The following ZCWPW2 variants were observed in gnomAD, a reference collection of about 807,000 sequenced individuals.
ZCWPW2 encodes the protein zinc finger CW-type PWWP domain protein 2.
A neutral mutation model predicts 46.6 loss-of-function variants in ZCWPW2; 45 were observed. The observed-to-expected ratio is 0.96, with a 90% CI of 0.76 to 1.24. The LOEUF is 1.24. ZCWPW2 is among the 50% of genes most tolerant of loss of function. The probability of loss-of-function intolerance (pLI) is 0.00; values close to 1 mark genes in which losing one functional copy is unlikely to be tolerated. For synonymous variants in ZCWPW2, 152 were observed against 137.1 expected (o/e 1.11, Z -0.76); for missense variants, 429 against 403.9 (o/e 1.06, Z -0.53).
At chr3:28,510,636 C>T (rs532829463) in intron 6 of ZCWPW2, among the ~76,000 whole-genome samples, 10 of 152,240 alleles carry the variant, frequency 6.6e-5, no homozygotes, top group African/African-American at 1.7e-4. Context: ...CAAGTTTACC[C>T]AGTGGTCTTA....
At chr3:28,374,356 A>AT (rs1705434598) in intron 1 of ZCWPW2, among the ~76,000 whole-genome samples, 1 of 152,026 alleles carries the variant, frequency 6.6e-6, no homozygotes, top group African/African-American at 2.4e-5. Context: ...CTATGGGTCT[A>AT]GTTTTATGTG....
At position 28,382,768 on chromosome 3, in the gene ZCWPW2, T is replaced by C. The variant is rs553655822; in HGVS notation, c.-133-7730T>C. On this transcript the variant is annotated intron_variant, in intron 1 of 9. Transcript: ENST00000383768. ...TAAAGTGCCCTTAAGTCTTTCAAAA[T>C]CCTGTCCTAATGAGTAAAATTAAGG... is the stretch of plus-strand genomic sequence containing the variant. Among the ~76,000 whole-genome samples the C allele has an allele frequency of 1.5e-4, 23 of 152,230 alleles. No individual in the cohort carries two copies. In the South Asian group the frequency reaches 4.6e-3, roughly 30 times the overall value.
chr3:28,369,111 C>T (rs568151525), intron 1 of ZCWPW2, among the ~76,000 whole-genome samples: 1 of 152,076 alleles, frequency 6.6e-6, no homozygotes, highest in South Asian at 2.1e-4. Flanking sequence ...CGAACTTCCT[C>T]CTTTAGCTCG....
intron 4 of ZCWPW2, among the ~76,000 whole-genome samples, chr3:28,443,857 C>A (rs548447421): frequency 6.6e-5 from 10 of 152,156 alleles, no homozygotes; most frequent in African/African-American, 1.7e-4. Flanking sequence ...TCTTCTGGAC[C>A]CTTCCAGCTA....
At chr3:28,425,193 A>T (rs1040561784) in intron 3 of ZCWPW2, among the ~76,000 whole-genome samples, 1 of 152,156 alleles carries the variant, frequency 6.6e-6, no homozygotes, top group African/African-American at 2.4e-5. Context: ...GGACATCAAA[A>T]TGCCCAAAAA....
At position 28,483,498 on chromosome 3, in the gene ZCWPW2, A is replaced by G. The variant is rs369693482; in HGVS notation, c.610+4567A>G. ...TTTGCCTTTCCATAAAAATTTTAGA[A>G]TCAGTTTGTTGATTTCACAAAATAA... On this transcript the variant is annotated intron_variant, in intron 5 of 9. Transcript: ENST00000383768. 7.0e-4 allele frequency among the ~76,000 whole-genome samples: 106 copies of G among 152,190 alleles called. 2 individuals are homozygous for G. Among genetic ancestry groups the G allele is most frequent in the African/African-American group, 2.3e-3 (95 of 41,532 alleles).
chr3:28,370,840 C>T (rs911050405), intron 1 of ZCWPW2, among the ~76,000 whole-genome samples: 1 of 152,174 alleles, frequency 6.6e-6, no homozygotes, highest in Non-Finnish European at 1.5e-5. Flanking sequence ...TCAAGAAATT[C>T]TCCTGCCTCA....
chr3:28,402,089 A>G (rs2125729220), intron 2 of ZCWPW2, among the ~76,000 whole-genome samples: 1 of 152,046 alleles, frequency 6.6e-6, no homozygotes, highest in South Asian at 2.1e-4. Flanking sequence ...ACTAAATGAA[A>G]TTGAAACAAA....
chr3:28,486,596 C>T (rs1699607764), intron 5 of ZCWPW2, among the ~76,000 whole-genome samples: 1 of 152,108 alleles, frequency 6.6e-6, no homozygotes, highest in African/African-American at 2.4e-5. Flanking sequence ...GTTTCACAGG[C>T]CATGCACTGT....
chr3:28,349,171 G>A lies in ZCWPW2; in HGVS notation c.-166G>A. 2.0e-6 allele frequency: 2 copies of A among 985,718 alleles called. No homozygotes were observed. Among genetic ancestry groups the A allele is most frequent in the Non-Finnish European group, 2.4e-6 (2 of 830,184 alleles). The allele number at this position is 985,718 out of a possible 1,614,324, so 61.1% of individuals were successfully genotyped here. A position where few individuals can be genotyped will look rare whatever the true frequency, so the allele number is the denominator to read the frequency against. ...CGCGGCGGGACGGGGCGGGGCCGCG[G>A]GACGCCAGGAGGCGGAGGCGGAGTG... On this transcript the variant is annotated 5_prime_UTR_variant, in exon 1 of 10. Coordinates refer to ENST00000383768, the MANE Select transcript of ZCWPW2 (RefSeq NM_001040432.4).
chr3:28,376,507 T>C (rs531224535), intron 1 of ZCWPW2, among the ~76,000 whole-genome samples: 1 of 152,122 alleles, frequency 6.6e-6, no homozygotes, highest in Non-Finnish European at 1.5e-5. Context: ...GCGGTTTGTC[T>C]CTGTACTCAA....
At chr3:28,354,114 A>AT (rs898290064) in intron 1 of ZCWPW2, among the ~76,000 whole-genome samples, 1 of 152,182 alleles carries the variant, frequency 6.6e-6, no homozygotes, top group Non-Finnish European at 1.5e-5. Flanking sequence ...AGCCAGTCAC[A>AT]TTGACAAAGA....
chr3:28,411,440 A>G lies in ZCWPW2; in HGVS notation c.-13-1616A>G, dbSNP rs1696394719. Among the ~76,000 whole-genome samples the G allele has an allele frequency of 6.6e-5, 10 of 152,032 alleles. No individual in the cohort carries two copies. The South Asian group carries it at 2.1e-3, about 32-fold the overall frequency. Reference sequence around the variant, plus strand: ...AAAAACCGTACTCCCAACATAACAAACATTCGAAGCATTCTCTTTAAAATT... The same window carrying G: ...AAAAACCGTACTCCCAACATAACAAGCATTCGAAGCATTCTCTTTAAAATT... On this transcript the variant is annotated intron_variant, in intron 2 of 9. Coordinates refer to ENST00000383768, the MANE Select transcript of ZCWPW2 (RefSeq NM_001040432.4).
chr3:28,473,927 T>C (rs992906553), intron 4 of ZCWPW2, among the ~76,000 whole-genome samples: 2 of 152,024 alleles, frequency 1.3e-5, no homozygotes, highest in Non-Finnish European at 2.9e-5. Context: ...GTACAAAAAA[T>C]AGAAAGAATG....
chr3:28,400,542 A>G (rs1695878951), intron 2 of ZCWPW2, among the ~76,000 whole-genome samples: 1 of 152,196 alleles, frequency 6.6e-6, no homozygotes, highest in African/African-American at 2.4e-5. Flanking sequence ...GTGAGACAAA[A>G]TCACCAGGTA....
rs1274572137 is a variant in ZCWPW2 at position 28,348,850 on chromosome 3, G to C, written c.-487G>C. On this transcript the variant is annotated 5_prime_UTR_variant, in exon 1 of 10. Transcript: ENST00000383768. ...GGACGAGCCGAGGCAGGAGGGGCCGGGCCGACGCGAGAGAAGGCCCGTTAC... is the reference window on the plus strand; with the variant it reads ...GGACGAGCCGAGGCAGGAGGGGCCGCGCCGACGCGAGAGAAGGCCCGTTAC... The C allele has an allele frequency of 7.2e-5, 50 of 693,952 alleles. No individual in the cohort carries two copies. The highest frequency in any genetic ancestry group is 8.2e-5 in the Non-Finnish European group (46 of 563,618). 43.0% of individuals were successfully genotyped at this position (693,952 alleles called of 1,614,324 possible).
intron 4 of ZCWPW2, among the ~76,000 whole-genome samples, chr3:28,444,379 G>A (rs949210965): frequency 1.3e-5 from 2 of 152,070 alleles, no homozygotes; most frequent in Non-Finnish European, 2.9e-5. Flanking sequence ...CATCAGGGGA[G>A]GCCATCACTG....
chr3:28,404,028 A>C (rs1696054893), intron 2 of ZCWPW2, among the ~76,000 whole-genome samples: 1 of 152,176 alleles, frequency 6.6e-6, no homozygotes. Flanking sequence ...TGCAATAAAA[A>C]CAAAGACAAA....
At chr3:28,512,448 G>C (rs892495747) in intron 6 of ZCWPW2, among the ~76,000 whole-genome samples, 2 of 151,880 alleles carry the variant, frequency 1.3e-5, no homozygotes, top group African/African-American at 4.8e-5. Context: ...GCCTCCCAAA[G>C]TGCTGGGATT....
Sources: gnomAD v4.1 joint callset for allele counts (sites outside exome capture counted in the v4.1 genomes callset) on GRCh38, gnomAD v4.1.1 for gene constraint, MANE v1.5 for transcripts, NCBI Gene and HGNC (gene_info 2026-07-23, HGNC 2026-07-21) for gene names.